The following EYS variants were observed in gnomAD, a reference collection of about 807,000 sequenced individuals.
EYS encodes the protein protein eyes shut homolog.
Under a neutral mutation model 282.1 loss-of-function variants are expected in EYS, and 250 were observed. The ratio of observed to expected loss-of-function variants is 0.89; its 90% CI spans 0.80 to 0.98. EYS has a LOEUF of 0.98. Ranked by LOEUF, EYS falls within the 50% of genes least tolerant of loss-of-function variation. EYS has a pLI of 0.00. For missense variants in EYS, 4,016 were observed against 3,709.0 expected, an observed-to-expected ratio of 1.08 and a Z score of -2.15; for synonymous variants, 1,355 against 1,282.9, an observed-to-expected ratio of 1.06 and a Z score of -1.20.
intron 5 of EYS, among the ~76,000 whole-genome samples, chr6:65,454,102 T>C (rs540510028): frequency 6.6e-6 from 1 of 150,794 alleles, no homozygotes; most frequent in African/African-American, 2.4e-5. Flanking sequence ...GGAACTTCTA[T>C]ACTTCTTTCC....
intron 8 of EYS, among the ~76,000 whole-genome samples, chr6:65,369,209 G>A: frequency 6.8e-6 from 1 of 147,686 alleles, no homozygotes; most frequent in Non-Finnish European, 1.5e-5. Flanking sequence ...CAAAGTTTGT[G>A]ACCAAGCAGT....
chr6:64,468,859 T>C (rs922424136), intron 26 of EYS, among the ~76,000 whole-genome samples: 1 of 152,200 alleles, frequency 6.6e-6, no homozygotes, highest in Non-Finnish European at 1.5e-5. Flanking sequence ...CTGTGTAGTA[T>C]TCCGTGGTGT....
intron 12 of EYS, among the ~76,000 whole-genome samples, chr6:65,221,683 GT>G (rs1766469869): frequency 1.3e-5 from 2 of 152,302 alleles, no homozygotes; most frequent in East Asian, 3.9e-4. Flanking sequence ...GCACTGCCTA[GT>G]GGAGATGTGA....
chr6:63,953,134 G>T (rs548682961), intron 35 of EYS, among the ~76,000 whole-genome samples: 7 of 152,180 alleles, frequency 4.6e-5, no homozygotes, highest in South Asian at 4.2e-4. Context: ...ATTAAAGATG[G>T]TTTTTTCACT....
At chr6:65,262,415 C>T (rs562643239) in intron 12 of EYS, among the ~76,000 whole-genome samples, 7 of 152,120 alleles carry the variant, frequency 4.6e-5, no homozygotes, top group African/African-American at 1.7e-4. Flanking sequence ...GAATAACATT[C>T]AGTGACCTGC....
intron 22 of EYS, among the ~76,000 whole-genome samples, chr6:64,773,027 C>A: frequency 6.6e-6 from 1 of 151,690 alleles, no homozygotes; most frequent in East Asian, 1.9e-4. Context: ...AGGTTTGTTA[C>A]ATGGATAATT....
At position 65,058,972 on chromosome 6, in the gene EYS, C is replaced by A. The variant is rs140512865; in HGVS notation, c.2024-1245G>T. On this transcript the variant is annotated intron_variant, in intron 12 of 42. Transcript: ENST00000503581. The stretch of plus-strand genomic sequence containing the variant: ...AACATGAATTTAGAAAGAAGAAAAC[C>A]TACATCAAATTAATCTAATAGGAAT... Among the ~76,000 whole-genome samples, 6 of 151,792 alleles carry A rather than the reference C, an allele frequency of 4.0e-5. No homozygotes were observed. In the South Asian group the frequency reaches 6.2e-4, roughly 16 times the overall value.
At chr6:65,385,713 G>A (rs930351527) in intron 7 of EYS, among the ~76,000 whole-genome samples, 8 of 151,866 alleles carry the variant, frequency 5.3e-5, no homozygotes, top group Non-Finnish European at 1.2e-4. Flanking sequence ...AACTTTAAGT[G>A]CATTATTTTA....
At position 64,120,357 on chromosome 6, in the gene EYS, T is replaced by TAAAA. The variant is rs34632243; in HGVS notation, c.6425-38359_6425-38356dup. Among the ~76,000 whole-genome samples, 50 of 76,760 alleles carry TAAAA rather than the reference T, an allele frequency of 6.5e-4. 2 individuals are homozygous for TAAAA. The highest frequency in any genetic ancestry group is 2.7e-3 in the African/African-American group (45 of 16,516). 50.4% of individuals were successfully genotyped at this position (76,760 alleles called of 152,430 possible). A position where few individuals can be genotyped will look rare whatever the true frequency, so the allele number is the denominator to read the frequency against. Reference sequence around the variant, plus strand: ...GGTGACAGAGCGAGACTCCATCTCTTAAAAAAAAAAAAAAAAAAAAAAAAA... The same window carrying TAAAA: ...GGTGACAGAGCGAGACTCCATCTCTTAAAAAAAAAAAAAAAAAAAAAAAAAAAAA... On this transcript the variant is annotated intron_variant, in intron 31 of 42. Coordinates refer to ENST00000503581, the MANE Select transcript of EYS (RefSeq NM_001142800.2).
At chr6:63,816,361 T>G (rs1341107424) in intron 36 of EYS, among the ~76,000 whole-genome samples, 1 of 152,194 alleles carries the variant, frequency 6.6e-6, no homozygotes. Context: ...TGAAATAAAG[T>G]ATTTTATTTG....
At chr6:64,777,392 T>C (rs913647639) in intron 22 of EYS, among the ~76,000 whole-genome samples, 1 of 152,032 alleles carries the variant, frequency 6.6e-6, no homozygotes, top group African/African-American at 2.4e-5. Flanking sequence ...TTGAATCCAA[T>C]AAAGTTAAAT....
intron 31 of EYS, among the ~76,000 whole-genome samples, chr6:64,211,881 G>A (rs976770594): frequency 1.8e-4 from 27 of 151,792 alleles, no homozygotes; most frequent in South Asian, 6.2e-4. Context: ...TTTCAGAGGC[G>A]GAGGCAGGCA....
intron 12 of EYS, among the ~76,000 whole-genome samples, chr6:65,082,187 C>A (rs966944261): frequency 6.6e-6 from 1 of 152,034 alleles, no homozygotes; most frequent in Non-Finnish European, 1.5e-5. Context: ...CATAAATGAT[C>A]TAACCTAGTC....
rs148295151 is a variant in EYS at position 65,184,256 on chromosome 6, C to T, written c.2023+111607G>A. ...GGAGGCTGGGAACTCCAAGATCAAG[C>T]GGCCAGCATTTGATTAGAGCCTTCT... On this transcript the variant is annotated intron_variant, in intron 12 of 42. Coordinates refer to ENST00000503581, the MANE Select transcript of EYS (RefSeq NM_001142800.2). Among the ~76,000 whole-genome samples, 40 of 151,926 alleles carry T rather than the reference C, an allele frequency of 2.6e-4. 1 individual carries two copies. The East Asian group carries it at 7.0e-3, about 27-fold the overall frequency.
rs951544417 is a variant in EYS at position 64,912,700 on chromosome 6, C to G, written c.2425G>C (p.Glu809Gln). 1 of 1,515,668 alleles carries G rather than the reference C, an allele frequency of 6.6e-7. No individual in the cohort carries two copies. The highest frequency in any genetic ancestry group is 8.9e-7 in the Non-Finnish European group (1 of 1,125,608). 93.9% of individuals were successfully genotyped at this position (1,515,668 alleles called of 1,614,324 possible). ...GGATCAGAGTCGCATTCATTTATTTCTTCACTACAGTTCTGTCCAGTCCAT... is the reference window on the plus strand; with the variant it reads ...GGATCAGAGTCGCATTCATTTATTTGTTCACTACAGTTCTGTCCAGTCCAT... ...SGWTGQNCSE[E>Q]INECDSDPCM... is the part of the protein sequence containing the mutation. The change falls in exon 16 of 43, where the codon GAA (glutamate) becomes CAA (glutamine). Residue 809 changes from glutamate to glutamine, a missense_variant. Transcript: ENST00000503581.
chr6:64,845,975 A>G (rs932658119), intron 19 of EYS, among the ~76,000 whole-genome samples: 2 of 152,100 alleles, frequency 1.3e-5, no homozygotes, highest in African/African-American at 4.8e-5. Flanking sequence ...TTTATTTAAA[A>G]TCATCTAAGA....
intron 12 of EYS, among the ~76,000 whole-genome samples, chr6:65,236,258 C>T (rs1420261059): frequency 6.6e-6 from 1 of 151,998 alleles, no homozygotes; most frequent in Non-Finnish European, 1.5e-5. Context: ...TACTGGAATA[C>T]ATTTCTTAGG....
At chr6:65,415,898 G>A (rs1046438749) in intron 5 of EYS, among the ~76,000 whole-genome samples, 2 of 151,974 alleles carry the variant, frequency 1.3e-5, no homozygotes, top group Non-Finnish European at 2.9e-5. Flanking sequence ...GTGAATATAT[G>A]AGACCAGGTA....
At chr6:64,949,657 A>G (rs994399154) in intron 14 of EYS, among the ~76,000 whole-genome samples, 1 of 151,922 alleles carries the variant, frequency 6.6e-6, no homozygotes, top group Non-Finnish European at 1.5e-5. Context: ...ATAATCATGG[A>G]AGAAGTATCA....
Sources: allele counts gnomAD v4.1 joint callset (sites outside exome capture counted in the v4.1 genomes callset), GRCh38; gene constraint gnomAD v4.1.1; transcripts MANE v1.5; gene names NCBI Gene and HGNC (gene_info 2026-07-23, HGNC 2026-07-21).